Variants in DRD3 observed in about 807,000 individuals in gnomAD.
DRD3 encodes the protein D(3) dopamine receptor.
A neutral mutation model predicts 36.3 loss-of-function variants in DRD3; 19 were observed. The ratio of observed to expected loss-of-function variants is 0.52; its 90% CI spans 0.36 to 0.77. The LOEUF (loss-of-function observed/expected upper bound fraction) is 0.77, where lower values mean the gene tolerates loss of function less well. DRD3 is among the 30% of genes least tolerant of loss of function. The probability of loss-of-function intolerance (pLI) is 0.00; values close to 1 mark genes in which losing one functional copy is unlikely to be tolerated. For synonymous variants in DRD3, 195 were observed against 203.7 expected (o/e 0.96, Z 0.36); for missense variants, 465 against 505.3 (o/e 0.92, Z 0.77).
chr3:114,149,711 C>T (rs2077599896), intron 3 of DRD3, among the ~76,000 whole-genome samples: 1 of 152,180 alleles, frequency 6.6e-6, no homozygotes, highest in Non-Finnish European at 1.5e-5. Context: ...ATCCTTTTGG[C>T]CTTGAAGGAG....
chr3:114,141,737 T>C (rs1040780345), intron 4 of DRD3, among the ~76,000 whole-genome samples: 3 of 152,116 alleles, frequency 2.0e-5, no homozygotes, highest in African/African-American at 7.2e-5. Flanking sequence ...CACCAAAGCC[T>C]ATGTCATCAT....
upstream of DRD3, among the ~76,000 whole-genome samples, chr3:114,182,606 T>C (rs1358325213): frequency 1.3e-5 from 2 of 152,078 alleles, no homozygotes; most frequent in East Asian, 3.9e-4. Flanking sequence ...TCTAATTTTT[T>C]CTTTTTTTCT....
chr3:114,195,792 CA>C (rs2078033196), intron 1 of DRD3, among the ~76,000 whole-genome samples: 1 of 152,198 alleles, frequency 6.6e-6, no homozygotes, highest in Admixed American at 6.5e-5. Context: ...ATCTTACTTA[CA>C]TATAAAACAC....
chr3:114,147,575 G>A lies in DRD3; in HGVS notation c.384-18C>T, dbSNP rs778473596. 6.9e-6 allele frequency: 11 copies of A among 1,603,022 alleles called. No homozygotes were observed. In the Admixed American group the frequency reaches 1.7e-4, roughly 24 times the overall value. On this transcript the variant is annotated intron_variant, in intron 3 of 6. Coordinates refer to ENST00000383673, the MANE Select transcript of DRD3 (RefSeq NM_000796.6). The stretch of plus-strand genomic sequence containing the variant: ...CAGTGTACCTGAAAAAGCAAGGGGA[G>A]AGGGGATAGGCATGGTGAGATGGAA...
chr3:114,189,094 A>G (rs2077990135), intron 1 of DRD3, among the ~76,000 whole-genome samples: 1 of 152,230 alleles, frequency 6.6e-6, no homozygotes, highest in Admixed American at 6.5e-5. Flanking sequence ...TACCATGTAA[A>G]GTAATTATAA....
intron 3 of DRD3, among the ~76,000 whole-genome samples, chr3:114,150,477 G>A (rs182636704): frequency 1.3e-5 from 2 of 152,316 alleles, no homozygotes; most frequent in Non-Finnish European, 2.9e-5. Flanking sequence ...GTTACTTCAG[G>A]ATCAAATCTT....
At chr3:114,181,150 G>A (rs550150167), upstream of DRD3, among the ~76,000 whole-genome samples, 12 of 152,294 alleles carry the variant, frequency 7.9e-5, no homozygotes, top group Non-Finnish European at 1.5e-4. Flanking sequence ...TCCTCAGCAT[G>A]TTTTTAGTGC....
chr3:114,133,292 A>C (rs2107831134), intron 5 of DRD3, among the ~76,000 whole-genome samples: 1 of 152,248 alleles, frequency 6.6e-6, no homozygotes, highest in Admixed American at 6.5e-5. Context: ...CCTGGCCAAC[A>C]GTCTGTATTC....
chr3:114,152,803 C>T (rs915203799), intron 3 of DRD3, among the ~76,000 whole-genome samples: 23 of 152,258 alleles, frequency 1.5e-4, no homozygotes, highest in Non-Finnish European at 2.8e-4. Context: ...AGCGATTGCA[C>T]GTGACCGACT....
chr3:114,136,880 G>C (rs185702247), intron 5 of DRD3, among the ~76,000 whole-genome samples: 6 of 152,306 alleles, frequency 3.9e-5, no homozygotes, highest in Non-Finnish European at 8.8e-5. Flanking sequence ...ACATTCAGTG[G>C]TAAATATGGC....
chr3:114,150,007 A>C (rs324035), intron 3 of DRD3, among the ~76,000 whole-genome samples: 98,640 of 152,130 alleles, frequency 0.65, 36,350 homozygotes, highest in East Asian at 0.83. Context: ...GCAAGATAAA[A>C]ATGGGTACAG....
At chr3:114,130,749 A>G (rs1051604564) in intron 6 of DRD3, among the ~76,000 whole-genome samples, 1 of 152,174 alleles carries the variant, frequency 6.6e-6, no homozygotes, top group African/African-American at 2.4e-5. Context: ...TTATCATACC[A>G]TATCACAATA....
intron 5 of DRD3, among the ~76,000 whole-genome samples, chr3:114,133,979 A>G (rs2077453814): frequency 6.6e-6 from 1 of 152,204 alleles, no homozygotes; most frequent in South Asian, 2.1e-4. Flanking sequence ...GTGGCATTCA[A>G]TGTCCAGTGT....
intron 1 of DRD3, among the ~76,000 whole-genome samples, chr3:114,194,717 G>C (rs74992019): frequency 3.9e-4 from 60 of 152,200 alleles, no homozygotes; most frequent in African/African-American, 1.3e-3. Flanking sequence ...CTTGCTACCC[G>C]CCTTTTTCTG....
chr3:114,129,262 G>A (rs1166687537), intron 6 of DRD3, among the ~76,000 whole-genome samples: 4 of 152,088 alleles, frequency 2.6e-5, no homozygotes, highest in African/African-American at 7.2e-5. Context: ...AGAGTTGCTT[G>A]AGCCCGGGAG....
chr3:114,195,107 G>T (rs2078030340), intron 1 of DRD3, among the ~76,000 whole-genome samples: 1 of 152,116 alleles, frequency 6.6e-6, no homozygotes, highest in African/African-American at 2.4e-5. Context: ...GGCCTTTTGG[G>T]GAACAGGGAG....
intron 3 of DRD3, among the ~76,000 whole-genome samples, chr3:114,158,983 C>G (rs758995153): frequency 9.9e-5 from 15 of 151,936 alleles, no homozygotes; most frequent in Non-Finnish European, 1.9e-4. Context: ...CCAGGGGAGC[C>G]AGGCAAATCT....
chr3:114,128,674 C>A lies in DRD3; in HGVS notation c.*42G>T, dbSNP rs947254279. The A allele has an allele frequency of 6.6e-7, 1 of 1,517,220 alleles. No individual in the cohort carries two copies. The highest frequency in any genetic ancestry group is 8.9e-7 in the Non-Finnish European group (1 of 1,127,882). The allele number at this position is 1,517,220 out of a possible 1,614,324, so 94.0% of individuals were successfully genotyped here. On this transcript the variant is annotated 3_prime_UTR_variant, in exon 7 of 7. Coordinates refer to ENST00000383673, the MANE Select transcript of DRD3 (RefSeq NM_000796.6). The stretch of plus-strand genomic sequence containing the variant: ...CTTTCTGAGTGGGCCAACAGCCTGG[C>A]AGCTAGAAATGGGTACAAAGAGTGT...
At chr3:114,169,009 TC>T (rs2077813475) in intron 2 of DRD3, among the ~76,000 whole-genome samples, 1 of 151,974 alleles carries the variant, frequency 6.6e-6, no homozygotes, top group Non-Finnish European at 1.5e-5. Context: ...TACAGCAGTC[TC>T]GGTGGTCAAC....
Sources: allele counts gnomAD v4.1 joint callset (sites outside exome capture counted in the v4.1 genomes callset), GRCh38; gene constraint gnomAD v4.1.1; transcripts MANE v1.5; gene names NCBI Gene and HGNC (gene_info 2026-07-23, HGNC 2026-07-21).